Variants in PDGFC observed in about 807,000 individuals in gnomAD.
The protein encoded by PDGFC is platelet derived growth factor C, also known as platelet-derived growth factor C.
In PDGFC, 12 loss-of-function variants were observed where a neutral mutation model predicts 35.5. That is an observed-to-expected ratio of 0.34 (90% CI 0.22 to 0.55). PDGFC has a LOEUF of 0.55. PDGFC is among the 20% of genes least tolerant of loss of function. The probability of loss-of-function intolerance (pLI) is 0.91; values close to 1 mark genes in which losing one functional copy is unlikely to be tolerated. For missense variants in PDGFC, 322 were observed against 412.4 expected, an observed-to-expected ratio of 0.78 and a Z score of 1.90; for synonymous variants, 159 against 148.8, an observed-to-expected ratio of 1.07 and a Z score of -0.50.
At chr4:156,795,174 A>AT (rs1731408061) in intron 3 of PDGFC, among the ~76,000 whole-genome samples, 1 of 152,234 alleles carries the variant, frequency 6.6e-6, no homozygotes, top group South Asian at 2.1e-4. Context: ...TTATTCAAAT[A>AT]TTATGTAACC....
intron 5 of PDGFC, 94 bp from the exon 6 acceptor site, chr4:156,763,300 G>T: frequency 3.1e-6 from 2 of 646,378 alleles, no homozygotes; most frequent in East Asian, 5.3e-5. Context: ...AGAATCTTGG[G>T]GCCCAAGAAA....
chr4:156,944,716 T>C (rs1231236398), intron 1 of PDGFC, among the ~76,000 whole-genome samples: 3 of 152,138 alleles, frequency 2.0e-5, no homozygotes, highest in East Asian at 3.9e-4. Context: ...ACAGCTCTCA[T>C]TTCAGAATAA....
At chr4:156,851,737 A>C (rs1039314446) in intron 1 of PDGFC, among the ~76,000 whole-genome samples, 3 of 151,796 alleles carry the variant, frequency 2.0e-5, no homozygotes, top group Admixed American at 2.0e-4. Context: ...AGGTCAGGAG[A>C]TCGAGACCAC....
At chr4:156,858,730 C>T (rs1383991294) in intron 1 of PDGFC, among the ~76,000 whole-genome samples, 1 of 152,010 alleles carries the variant, frequency 6.6e-6, no homozygotes, top group African/African-American at 2.4e-5. Context: ...ACATTTACAC[C>T]TAATAATACT....
intron 1 of PDGFC, among the ~76,000 whole-genome samples, chr4:156,887,260 T>C (rs1730397922): frequency 6.6e-6 from 1 of 152,200 alleles, no homozygotes; most frequent in Admixed American, 6.5e-5. Flanking sequence ...AATAATTATC[T>C]ACATAGATTA....
chr4:156,811,315 G>A (rs1279957771), intron 2 of PDGFC, among the ~76,000 whole-genome samples: 1 of 151,992 alleles, frequency 6.6e-6, no homozygotes, highest in African/African-American at 2.4e-5. Context: ...TCTGACATTC[G>A]ATTCATGAAT....
intron 3 of PDGFC, among the ~76,000 whole-genome samples, chr4:156,785,639 A>G (rs1468461545): frequency 6.6e-6 from 1 of 152,198 alleles, no homozygotes; most frequent in Non-Finnish European, 1.5e-5. Flanking sequence ...ACTGAACAGC[A>G]TTGTCAGTAC....
In PDGFC at chr4:156,906,223, T is replaced by C. The variant is rs537985370; in HGVS notation, c.119-55807A>G. ...TTAAATACAAATCACTTAAAAATAC[T>C]GCTTGCTCAGGTTTCTTAATGTCAT... On this transcript the variant is annotated intron_variant, in intron 1 of 5. Transcript: ENST00000502773. Among the ~76,000 whole-genome samples the C allele has an allele frequency of 2.6e-5, 4 of 152,284 alleles. No individual in the cohort carries two copies. The South Asian group carries it at 8.3e-4, about 32-fold the overall frequency.
intron 1 of PDGFC, among the ~76,000 whole-genome samples, chr4:156,852,552 CCTTT>C (rs1018162836): frequency 6.6e-6 from 1 of 152,128 alleles, no homozygotes; most frequent in African/African-American, 2.4e-5. Flanking sequence ...GATCTCACTT[CCTTT>C]ATGATAGGTA....
At chr4:156,817,051 T>C (rs1056896630) in intron 2 of PDGFC, among the ~76,000 whole-genome samples, 2 of 152,148 alleles carry the variant, frequency 1.3e-5, no homozygotes, top group African/African-American at 2.4e-5. Flanking sequence ...TCACAACACA[T>C]GAATGGGTAA....
chr4:156,800,632 T>G (rs892573387), intron 3 of PDGFC, among the ~76,000 whole-genome samples: 6 of 152,146 alleles, frequency 3.9e-5, no homozygotes, highest in Admixed American at 3.3e-4. Flanking sequence ...TTGGTGACAC[T>G]TGCCACGTTA....
At chr4:156,837,441 T>C (rs1729090014) in intron 2 of PDGFC, among the ~76,000 whole-genome samples, 2 of 151,992 alleles carry the variant, frequency 1.3e-5, no homozygotes, top group Non-Finnish European at 1.5e-5. Context: ...TCCTGGTAAA[T>C]GCTACAATAG....
rs1560896795 is a variant in PDGFC, at chr4:156,970,954, G to T, written c.-51C>A. On this transcript the variant is annotated 5_prime_UTR_variant, in exon 1 of 6. Coordinates refer to ENST00000502773, the MANE Select transcript of PDGFC (RefSeq NM_016205.3). The stretch of plus-strand genomic sequence containing the variant: ...TCACGGCGGGCACTTTGGAAGCAGC[G>T]ACTCCCGAGTCTCTTTCACCACCGC... The T allele has an allele frequency of 1.7e-6, 2 of 1,188,610 alleles. No individual in the cohort carries two copies. The highest frequency in any genetic ancestry group is 1.7e-5 in the Admixed American group (1 of 58,356). The allele number at this position is 1,188,610 out of a possible 1,614,324, so 73.6% of individuals were successfully genotyped here. A position where few individuals can be genotyped will look rare whatever the true frequency, so the allele number is the denominator to read the frequency against.
At chr4:156,936,324 A>C (rs1731680388) in intron 1 of PDGFC, among the ~76,000 whole-genome samples, 1 of 152,168 alleles carries the variant, frequency 6.6e-6, no homozygotes, top group Non-Finnish European at 1.5e-5. Context: ...GGAGAAATGG[A>C]AACTCTCAGA....
intron 2 of PDGFC, among the ~76,000 whole-genome samples, chr4:156,842,856 T>C (rs28454752): frequency 0.059 from 9,060 of 152,288 alleles, 892 homozygotes; most frequent in African/African-American, 0.21. Flanking sequence ...CAGCTACTGA[T>C]GTCTTGCCTA....
chr4:156,825,927 A>G (rs1732459082), intron 2 of PDGFC, among the ~76,000 whole-genome samples: 2 of 151,106 alleles, frequency 1.3e-5, no homozygotes, highest in Admixed American at 1.3e-4. Context: ...AGAGTGCAGT[A>G]GCACAATCAT....
chr4:156,952,802 T>A (rs909258711), intron 1 of PDGFC, among the ~76,000 whole-genome samples: 3 of 151,892 alleles, frequency 2.0e-5, no homozygotes, highest in Non-Finnish European at 2.9e-5. Context: ...TCTGTTTTTA[T>A]TTTTCCAGCA....
At chr4:156,808,042 T>G (rs2110935699) in intron 3 of PDGFC, among the ~76,000 whole-genome samples, 1 of 152,168 alleles carries the variant, frequency 6.6e-6, no homozygotes, top group African/African-American at 2.4e-5. Flanking sequence ...AGAATGTGTC[T>G]TTGGTAATAT....
intron 1 of PDGFC, among the ~76,000 whole-genome samples, chr4:156,881,215 A>T (rs1377912304): frequency 1.3e-5 from 2 of 152,232 alleles, no homozygotes; most frequent in East Asian, 3.8e-4. Flanking sequence ...AAAACCCTCT[A>T]ACAGCAAAAA....
Sources: allele counts gnomAD v4.1 joint callset (sites outside exome capture counted in the v4.1 genomes callset), GRCh38; gene constraint gnomAD v4.1.1; transcripts MANE v1.5; gene names NCBI Gene and HGNC (gene_info 2026-07-23, HGNC 2026-07-21).